The following NRG3 variants were observed in gnomAD, a reference collection of about 807,000 sequenced individuals.
The protein encoded by NRG3 is neuregulin 3.
A neutral mutation model predicts 66.9 loss-of-function variants in NRG3; 31 were observed. The observed-to-expected ratio is 0.46, with a 90% confidence interval of 0.35 to 0.63. The LOEUF (loss-of-function observed/expected upper bound fraction) is 0.63. Among genes scored for constraint, NRG3 ranks in the 20% least tolerant of loss-of-function variants. The pLI is 0.00. For missense variants in NRG3, 910 were observed against 878.9 expected (o/e 1.04, Z -0.45); for synonymous variants, 393 against 359.4 (o/e 1.09, Z -1.06).
At chr10:82,957,893 CGTGTGTGTGT>C (rs10547101) in intron 5 of NRG3, among the ~76,000 whole-genome samples, 1 of 149,460 alleles carries the variant, frequency 6.7e-6, no homozygotes, top group Non-Finnish European at 1.5e-5. Flanking sequence ...AAGAGGTGTG[CGTGTGTGTGT>C]GTGTGTGTGT....
At chr10:81,985,577 T>C (rs1424545600) in intron 1 of NRG3, among the ~76,000 whole-genome samples, 1 of 152,240 alleles carries the variant, frequency 6.6e-6, no homozygotes, top group Non-Finnish European at 1.5e-5. Flanking sequence ...TGATTATTAA[T>C]GCAGGGAGAG....
intron 1 of NRG3, among the ~76,000 whole-genome samples, chr10:82,122,233 G>C (rs1428961499): frequency 6.6e-6 from 1 of 152,058 alleles, no homozygotes; most frequent in African/African-American, 2.4e-5. Context: ...GTCCTCTGTG[G>C]TTCTTATACC....
intron 7 of NRG3, among the ~76,000 whole-genome samples, chr10:82,976,876 A>G (rs1589227195): frequency 6.6e-6 from 1 of 152,220 alleles, no homozygotes. Flanking sequence ...CATTCTGGGA[A>G]CTGCTCCCTC....
chr10:82,954,652 G>A (rs1473557407), intron 5 of NRG3, among the ~76,000 whole-genome samples: 2 of 151,818 alleles, frequency 1.3e-5, no homozygotes, highest in African/African-American at 4.9e-5. Context: ...CCTCATTAGA[G>A]GCCTAGGGTG....
At position 82,830,727 on chromosome 10, in the gene NRG3, A is replaced by G. The variant is rs576947346; in HGVS notation, c.1028-34684A>G. 3.3e-5 allele frequency among the ~76,000 whole-genome samples: 5 copies of G among 152,280 alleles called. No homozygotes were observed. The East Asian group carries it at 5.8e-4, about 18-fold the overall frequency. On this transcript the variant is annotated intron_variant, in intron 3 of 8. Coordinates refer to ENST00000372141, the MANE Select transcript of NRG3 (RefSeq NM_001010848.4). ...TCTGGTTTGAATGTGCTTGTAGCCT[A>G]TATGTTTGTGTTGCTGCAACTCCTA...
At chr10:82,395,184 A>T (rs2086640131) in intron 2 of NRG3, among the ~76,000 whole-genome samples, 1 of 152,216 alleles carries the variant, frequency 6.6e-6, no homozygotes, top group Non-Finnish European at 1.5e-5. Context: ...TAAATGCAAG[A>T]TCAGCTGAAA....
intron 6 of NRG3, among the ~76,000 whole-genome samples, chr10:82,968,911 G>T (rs369181726): frequency 1.6e-4 from 24 of 152,320 alleles, no homozygotes; most frequent in African/African-American, 5.5e-4. Context: ...AAGGTGGAAA[G>T]CACGTCTTAC....
At chr10:82,536,885 A>T (rs1420242540) in intron 2 of NRG3, among the ~76,000 whole-genome samples, 1 of 151,258 alleles carries the variant, frequency 6.6e-6, no homozygotes, top group African/African-American at 2.4e-5. Context: ...AATTGATTTT[A>T]TTATTAAATT....
intron 2 of NRG3, among the ~76,000 whole-genome samples, chr10:82,431,755 T>C (rs2089819406): frequency 6.6e-6 from 1 of 152,184 alleles, no homozygotes; most frequent in Admixed American, 6.6e-5. Context: ...TTTTCTTCTC[T>C]GTGATAATCC....
intron 1 of NRG3, among the ~76,000 whole-genome samples, chr10:82,324,994 G>A (rs144600815): frequency 2.0e-5 from 3 of 152,112 alleles, no homozygotes; most frequent in African/African-American, 7.2e-5. Flanking sequence ...ACTACCAAGA[G>A]ATAAGGGTTA....
intron 4 of NRG3, among the ~76,000 whole-genome samples, chr10:82,910,339 C>G (rs964155405): frequency 6.6e-6 from 1 of 152,178 alleles, no homozygotes; most frequent in Non-Finnish European, 1.5e-5. Flanking sequence ...CAGAAAGAAA[C>G]TGACTACAGC....
intron 1 of NRG3, among the ~76,000 whole-genome samples, chr10:82,121,404 G>T (rs2068080500): frequency 6.6e-6 from 1 of 152,084 alleles, no homozygotes; most frequent in South Asian, 2.1e-4. Flanking sequence ...TTTAAACTTG[G>T]AAGAAATAGT....
At chr10:82,909,062 T>A (rs1218694717) in intron 4 of NRG3, among the ~76,000 whole-genome samples, 1 of 152,240 alleles carries the variant, frequency 6.6e-6, no homozygotes, top group Non-Finnish European at 1.5e-5. Flanking sequence ...TATGCCTGGC[T>A]GACCATCAGG....
intron 3 of NRG3, among the ~76,000 whole-genome samples, chr10:82,767,023 TTA>T (rs752348278): frequency 2.0e-3 from 299 of 148,260 alleles, no homozygotes; most frequent in African/African-American, 6.3e-3. Context: ...ATATAAATCC[TTA>T]TATATATATA....
chr10:82,013,947 C>T (rs945374397), intron 1 of NRG3, among the ~76,000 whole-genome samples: 20 of 152,006 alleles, frequency 1.3e-4, no homozygotes, highest in Admixed American at 5.2e-4. Flanking sequence ...TGGTGATGTG[C>T]AAGTCAATAG....
At chr10:81,931,010 A>G (rs1222060931) in intron 1 of NRG3, among the ~76,000 whole-genome samples, 2 of 152,166 alleles carry the variant, frequency 1.3e-5, no homozygotes, top group East Asian at 1.9e-4. Flanking sequence ...TTAAACTTCT[A>G]TAGTCCCTGG....
intron 2 of NRG3, among the ~76,000 whole-genome samples, chr10:82,544,403 A>G (rs1336804374): frequency 1.3e-5 from 2 of 152,054 alleles, no homozygotes; most frequent in Non-Finnish European, 2.9e-5. Flanking sequence ...ATTGATTCCA[A>G]TCTTTCATTG....
intron 4 of NRG3, among the ~76,000 whole-genome samples, chr10:82,879,567 G>C (rs1259755105): frequency 6.7e-6 from 1 of 148,824 alleles, no homozygotes; most frequent in South Asian, 2.1e-4. Flanking sequence ...CCACCTCCCG[G>C]CTTCACGCCA....
intron 1 of NRG3, among the ~76,000 whole-genome samples, chr10:81,961,374 G>A (rs1850339723): frequency 6.6e-6 from 1 of 152,112 alleles, no homozygotes; most frequent in Non-Finnish European, 1.5e-5. Flanking sequence ...TCACATTGTA[G>A]ACACCTTGAG....
Sources: gnomAD v4.1 joint callset for allele counts (sites outside exome capture counted in the v4.1 genomes callset) on GRCh38, gnomAD v4.1.1 for gene constraint, MANE v1.5 for transcripts, NCBI Gene and HGNC (gene_info 2026-07-23, HGNC 2026-07-21) for gene names.